The following RBL2 variants were observed in gnomAD, a reference collection of about 807,000 sequenced individuals.
RBL2 encodes the protein RB transcriptional corepressor like 2.
In RBL2, 56 loss-of-function variants were observed where a neutral mutation model predicts 126.0. The observed-to-expected ratio is 0.44, with a 90% CI of 0.36 to 0.56. The LOEUF is 0.56. Among genes scored for constraint, RBL2 ranks in the 20% least tolerant of loss-of-function variants. The probability of loss-of-function intolerance (pLI) is 0.00; values close to 1 mark genes in which losing one functional copy is unlikely to be tolerated. For synonymous variants in RBL2, 454 were observed against 478.5 expected, an observed-to-expected ratio of 0.95 and a Z score of 0.67; for missense variants, 1,229 against 1,398.2, an observed-to-expected ratio of 0.88 and a Z score of 1.93.
chr16:53,480,801 T>TTCAC, intron 20 of RBL2, 32 bp downstream of exon 20: 1 of 1,577,086 alleles, frequency 6.3e-7, no homozygotes. Flanking sequence ...TCATACTTTT[T>TTCAC]TCACTCATGA....
At chr16:53,485,752 A>T (rs1961141144) in intron 21 of RBL2, among the ~76,000 whole-genome samples, 1 of 151,962 alleles carries the variant, frequency 6.6e-6, no homozygotes, top group South Asian at 2.1e-4. Context: ...GCTACTCCGG[A>T]GGATAAGGTG....
chr16:53,483,377 A>G (rs1048029638), intron 21 of RBL2, among the ~76,000 whole-genome samples: 2 of 152,274 alleles, frequency 1.3e-5, no homozygotes, highest in East Asian at 1.9e-4. Flanking sequence ...CTCAGGCAAC[A>G]TAAGACCCCA....
Position 53,464,213 on chromosome 16 carries a change from CT to C in RBL2, c.1561-10del. 3.3e-6 allele frequency: 5 copies of C among 1,532,530 alleles called. No individual in the cohort carries two copies. Among genetic ancestry groups the C allele is most frequent in the Non-Finnish European group, 4.4e-6 (5 of 1,138,284 alleles). The allele number at this position is 1,532,530 out of a possible 1,614,324, so 94.9% of individuals were successfully genotyped here. ...AAGTAAATGTTTCTAATGCTAATAA[CT>C]TTATTTTATAGGGTATTCTGGAACA... is the stretch of plus-strand genomic sequence containing the variant. On this transcript the variant is annotated splice_polypyrimidine_tract_variant and intron_variant, in intron 11 of 21. Coordinates refer to ENST00000262133, the MANE Select transcript of RBL2 (RefSeq NM_005611.4).
intron 8 of RBL2, among the ~76,000 whole-genome samples, chr16:53,455,806 A>G (rs993633456): frequency 6.6e-6 from 1 of 152,176 alleles, no homozygotes; most frequent in Non-Finnish European, 1.5e-5. Context: ...AGGTTGGAAC[A>G]GGATTAGCTT....
chr16:53,451,901 A>G, intron 5 of RBL2, 70 bp downstream of exon 5: 2 of 1,536,800 alleles, frequency 1.3e-6, no homozygotes, highest in Admixed American at 3.4e-5. Flanking sequence ...GGAGTTGTAC[A>G]GGTTTCCTAG....
intron 8 of RBL2, among the ~76,000 whole-genome samples, chr16:53,457,223 A>G (rs2058176301): frequency 1.4e-5 from 2 of 144,392 alleles, no homozygotes; most frequent in South Asian, 4.4e-4. Flanking sequence ...GGTTGTGTAT[A>G]TATGTCCTGG....
chr16:53,489,629 C>T (rs1015906369), intron 21 of RBL2: 1 of 152,086 alleles, frequency 6.6e-6, no homozygotes, highest in African/African-American at 2.4e-5. Flanking sequence ...CTAGATCTTA[C>T]TAATTTATTA....
intron 2 of RBL2, among the ~76,000 whole-genome samples, chr16:53,442,102 G>A (rs909735763): frequency 3.9e-5 from 6 of 152,054 alleles, no homozygotes; most frequent in Admixed American, 2.0e-4. Flanking sequence ...TTACAGGTGT[G>A]AGCTACTGCG....
intron 11 of RBL2, among the ~76,000 whole-genome samples, chr16:53,463,068 A>G (rs1180268950): frequency 6.6e-6 from 1 of 152,106 alleles, no homozygotes; most frequent in Non-Finnish European, 1.5e-5. Flanking sequence ...CTTGAACTCC[A>G]GACGTCAGGT....
At chr16:53,442,161 AAGTGGC>A (rs1481902805) in intron 2 of RBL2, among the ~76,000 whole-genome samples, 1 of 151,968 alleles carries the variant, frequency 6.6e-6, no homozygotes, top group Non-Finnish European at 1.5e-5. Context: ...AAAAAATCTG[AAGTGGC>A]AGGAGGAGGT....
At chr16:53,452,668 A>C (rs1307854218) in intron 5 of RBL2, among the ~76,000 whole-genome samples, 1 of 151,892 alleles carries the variant, frequency 6.6e-6, no homozygotes, top group Admixed American at 6.6e-5. Flanking sequence ...TTTAAATTAA[A>C]AAGAATTTTT....
Position 53,470,431 on chromosome 16 carries a change from A to G in RBL2, c.2294A>G (p.Asn765Ser). 6 of 1,614,098 alleles carry G rather than the reference A, an allele frequency of 3.7e-6. No homozygotes were observed. The highest frequency in any genetic ancestry group is 5.1e-6 in the Non-Finnish European group (6 of 1,180,010). ...ATAACATTCTTCCCTGTCCAAGTCA[A>G]TGTTGGGGGGCAGGCACAAGCTGTG... ...GGITFFPVQV[N>S]VGGQAQAVTG... Residue 765 changes from asparagine to serine, a missense_variant, in exon 16 of 22, where the codon AAT becomes AGT. By Grantham distance (46) the Asn-to-Ser change is conservative. Around this residue, in one of 2 missense-constraint regions of RBL2, gnomAD observed 1,070 missense variants for 1,274.3 expected, o/e 0.84. Coordinates refer to ENST00000262133, the MANE Select transcript of RBL2 (RefSeq NM_005611.4).
chr16:53,470,357 T>A, intron 15 of RBL2, 26 bp from the exon 16 acceptor site: 1 of 1,603,972 alleles, frequency 6.2e-7, no homozygotes, highest in Non-Finnish European at 8.5e-7. Context: ...CAACATTTTC[T>A]TCATGCTTTT....
At chr16:53,453,001 T>A (rs1423587680) in intron 5 of RBL2, among the ~76,000 whole-genome samples, 1 of 152,134 alleles carries the variant, frequency 6.6e-6, no homozygotes, top group African/African-American at 2.4e-5. Context: ...TTTTTTTTCT[T>A]TTGTGCTGAG....
At chr16:53,475,835 CTTTTTTTTT>C (rs10540773) in intron 17 of RBL2, among the ~76,000 whole-genome samples, 2 of 76,422 alleles carry the variant, frequency 2.6e-5, no homozygotes, top group African/African-American at 1.3e-4. Flanking sequence ...ATTTCAATAT[CTTTTTTTTT>C]TTTTTTTTTT....
intron 21 of RBL2, among the ~76,000 whole-genome samples, chr16:53,483,832 G>A (rs898056223): frequency 6.6e-6 from 1 of 151,496 alleles, no homozygotes; most frequent in African/African-American, 2.4e-5. Context: ...AGCTGAGATC[G>A]TGCCATTGCA....
intron 21 of RBL2, chr16:53,488,109 T>C (rs906512323): frequency 3.3e-5 from 5 of 152,342 alleles, no homozygotes; most frequent in South Asian, 2.1e-4. Context: ...CATGACTGTT[T>C]ATAGTGACTT....
chr16:53,458,511 A>C (rs1011853809), intron 8 of RBL2, among the ~76,000 whole-genome samples: 1 of 152,228 alleles, frequency 6.6e-6, no homozygotes, highest in African/African-American at 2.4e-5. Context: ...CAGGAAGACC[A>C]ATGAAGGCTG....
At chr16:53,474,672 T>C (rs1041493747) in intron 17 of RBL2, among the ~76,000 whole-genome samples, 1 of 152,198 alleles carries the variant, frequency 6.6e-6, no homozygotes, top group Non-Finnish European at 1.5e-5. Context: ...TTGAGGAATT[T>C]GTTTTCAGTT....
Sources: gnomAD v4.1 joint callset for allele counts (sites outside exome capture counted in the v4.1 genomes callset) on GRCh38, gnomAD v4.1.1 for gene constraint, gnomAD v4.1.1 regional missense constraint, MANE v1.5 for transcripts, NCBI Gene and HGNC (gene_info 2026-07-23, HGNC 2026-07-21) for gene names.